Variants in MINK1 observed in about 807,000 individuals in gnomAD.
MINK1 encodes the protein misshapen-like kinase 1.
A neutral mutation model predicts 178.4 loss-of-function variants in MINK1; 46 were observed. The observed-to-expected ratio is 0.26, with a 90% confidence interval of 0.20 to 0.33. The LOEUF (loss-of-function observed/expected upper bound fraction) is 0.33. MINK1 is among the 10% of genes least tolerant of loss of function. The probability of loss-of-function intolerance (pLI) is 1.00; values close to 1 mark genes in which losing one functional copy is unlikely to be tolerated. For synonymous variants in MINK1, 797 were observed against 709.7 expected (o/e 1.12, Z -1.96); for missense variants, 1,366 against 1,814.9 (o/e 0.75, Z 4.49).
In MINK1 at chr17:4,892,643, G is replaced by T. The variant is rs1567618281; in HGVS notation, c.2199-13G>T. 1 of 1,589,426 alleles carries T rather than the reference G, an allele frequency of 6.3e-7. No individual in the cohort carries two copies. Among genetic ancestry groups the T allele is most frequent in the Non-Finnish European group, 8.6e-7 (1 of 1,165,646 alleles). ...ACCGTGCCTCCCTGACCCTGACTCTGCCCCCCCAACAGTAACCCCGACCTC... is the reference window on the plus strand; with the variant it reads ...ACCGTGCCTCCCTGACCCTGACTCTTCCCCCCCAACAGTAACCCCGACCTC... On this transcript the variant is annotated splice_polypyrimidine_tract_variant and intron_variant, in intron 18 of 31. Transcript: ENST00000355280.
In MINK1 at chr17:4,851,999, CAAAAAAA is replaced by C. The variant is rs535581252; in HGVS notation, c.57+18381_57+18387del. Among the ~76,000 whole-genome samples, 110 of 69,448 alleles carry C rather than the reference CAAAAAAA, an allele frequency of 1.6e-3. 1 individual carries two copies. The highest frequency in any genetic ancestry group is 3.7e-3 in the Admixed American group (20 of 5,374). 45.6% of individuals were successfully genotyped at this position (69,448 alleles called of 152,430 possible). ...TGGGCAACAGAGTGAGACTCTGTCT[CAAAAAAA>C]AAAAAAAAAAAAAAAAAAAAACTAA... On this transcript the variant is annotated intron_variant, in intron 1 of 31. Transcript: ENST00000355280.
At position 4,893,486 on chromosome 17, in the gene MINK1, A is replaced by G. The variant is rs377573508; in HGVS notation, c.2453A>G (p.Lys818Arg). 3.1e-5 allele frequency: 50 copies of G among 1,598,104 alleles called. No homozygotes were observed. Among genetic ancestry groups the G allele is most frequent in the Middle Eastern group, 1.7e-4 (1 of 6,044 alleles). ...CTGGACGAGGCCCCTCGGCCTCCCA[A>G]GAAGGCCATGGACTACTCGTCGTCC... ...RTLDEAPRPPKKAMDYSSSSE... is the reference protein window; with the variant it reads ...RTLDEAPRPPRKAMDYSSSSE... The change falls in exon 21 of 32, where the codon AAG becomes AGG. Residue 818 changes from lysine to arginine, a missense_variant. Lys to Arg is a conservative substitution (Grantham distance 26, BLOSUM62 2). Transcript: ENST00000355280.
In MINK1 at chr17:4,897,338, A is replaced by G. The variant is rs1969653622; in HGVS notation, c.*51A>G. 6 of 1,561,910 alleles carry G rather than the reference A, an allele frequency of 3.8e-6. No individual in the cohort carries two copies. The highest frequency in any genetic ancestry group is 1.4e-5 in the African/African-American group (1 of 73,710). On this transcript the variant is annotated 3_prime_UTR_variant, in exon 32 of 32. Transcript: ENST00000355280. The stretch of plus-strand genomic sequence containing the variant: ...ACACTGGACCCAGCTCTCCCCCTGC[A>G]GCCAGGCTTCCCGGGCCGCCCCTCT...
chr17:4,837,511 C>T (rs901719853), intron 1 of MINK1, among the ~76,000 whole-genome samples: 1 of 152,176 alleles, frequency 6.6e-6, no homozygotes, highest in African/African-American at 2.4e-5. Context: ...TCCAGCTGAG[C>T]GATGCCCTTG....
At chr17:4,888,484 A>G (rs1968433372) in intron 12 of MINK1, among the ~76,000 whole-genome samples, 1 of 151,412 alleles carries the variant, frequency 6.6e-6, no homozygotes, top group Non-Finnish European at 1.5e-5. Flanking sequence ...AAAAATACAC[A>G]AATTAGCCAG....
chr17:4,891,501 G>A lies in MINK1; in HGVS notation c.1786G>A (p.Val596Ile), dbSNP rs1185059433. ...RVPLKPYAAP[V>I]PRSQSLQDQP... ...CCCACTGAAGCCATATGCAGCACCTGTACCCCGATCCCAGTCCCTGCAGGA... is the reference window on the plus strand; with the variant it reads ...CCCACTGAAGCCATATGCAGCACCTATACCCCGATCCCAGTCCCTGCAGGA... The change falls in exon 16 of 32, where the codon GTA becomes ATA. Residue 596 changes from valine (V) to isoleucine (I), a missense_variant. By Grantham distance (29) the Val-to-Ile change is conservative. Transcript: ENST00000355280. The A allele has an allele frequency of 1.2e-6, 2 of 1,610,460 alleles. No individual in the cohort carries two copies. The highest frequency in any genetic ancestry group is 1.3e-5 in the African/African-American group (1 of 74,862).
chr17:4,897,187 T>G lies in MINK1; in HGVS notation c.3916-17T>G, dbSNP rs746780945. The G allele has an allele frequency of 1.1e-5, 17 of 1,611,266 alleles. No homozygotes were observed. Among genetic ancestry groups the G allele is most frequent in the Non-Finnish European group, 1.4e-5 (17 of 1,178,452 alleles). On this transcript the variant is annotated splice_polypyrimidine_tract_variant and intron_variant, in intron 31 of 31. Transcript: ENST00000355280. Reference sequence around the variant, plus strand: ...CCAACCTCAGCCCTTGGTGACTTCTTCTCCTGCCCCACCCAGGTGTTTTTT... The same window carrying G: ...CCAACCTCAGCCCTTGGTGACTTCTGCTCCTGCCCCACCCAGGTGTTTTTT...
rs1442581575 is a variant in MINK1 at position 4,886,556 on chromosome 17, C to T, written c.879C>T (p.Pro293=). 6.2e-7 allele frequency: 1 copy of T among 1,613,546 alleles called. No homozygotes were observed. The highest frequency in any genetic ancestry group is 8.5e-7 in the Non-Finnish European group (1 of 1,179,718). ...AGTTTCCCTTCATCCGGGACCAGCCCACGGAGCGGCAGGTCCGCATCCAGC... is the reference window on the plus strand; with the variant it reads ...AGTTTCCCTTCATCCGGGACCAGCCTACGGAGCGGCAGGTCCGCATCCAGC... ...LLKFPFIRDQ[P]TERQVRIQLK... Residue 293 remains proline, a synonymous_variant, in exon 10 of 32, where the codon CCC becomes CCT. Coordinates refer to ENST00000355280, the MANE Select transcript of MINK1 (RefSeq NM_153827.5). The surrounding 1 kb of genome is among the most constrained non-coding windows in gnomAD (Gnocchi z 6.1).
intron 1 of MINK1, among the ~76,000 whole-genome samples, chr17:4,862,741 G>T (rs1914370919): frequency 6.6e-6 from 1 of 151,972 alleles, no homozygotes; most frequent in Non-Finnish European, 1.5e-5. Flanking sequence ...TTAAAGTCAA[G>T]ACCCTTCTTG....
chr17:4,834,811 T>C (rs1297969411), intron 1 of MINK1: 2 of 519,948 alleles, frequency 3.8e-6, no homozygotes, highest in African/African-American at 1.9e-5. Flanking sequence ...GCTCAGACTG[T>C]CTTCTGGCTT....
chr17:4,896,374 A>T lies in MINK1; in HGVS notation c.3615+32A>T. The stretch of plus-strand genomic sequence containing the variant: ...TTGGCGGGGCTGCTGGGGGAGTGGG[A>T]TGGCCCAGTCTGGGCACCAGACACG... On this transcript the variant is annotated intron_variant, in intron 29 of 31. Transcript: ENST00000355280. This position sits in a 1 kb window ranked among gnomAD's most constrained non-coding sequence, Gnocchi z 4.6. The T allele has an allele frequency of 1.9e-6, 3 of 1,605,428 alleles. No individual in the cohort carries two copies. Among genetic ancestry groups the T allele is most frequent in the Non-Finnish European group, 2.6e-6 (3 of 1,174,924 alleles).
intron 2 of MINK1, among the ~76,000 whole-genome samples, chr17:4,879,471 C>T (rs1293075033): frequency 6.6e-6 from 1 of 152,238 alleles, no homozygotes; most frequent in South Asian, 2.1e-4. Context: ...ACAGGCACCC[C>T]ACCCGCAATC....
intron 1 of MINK1, among the ~76,000 whole-genome samples, chr17:4,858,909 GTCT>G (rs1300243556): frequency 6.6e-6 from 1 of 152,144 alleles, no homozygotes; most frequent in Non-Finnish European, 1.5e-5. Context: ...GACTAGAGAG[GTCT>G]TCTCCCCTAG....
At chr17:4,850,606 C>T (rs1227644843) in intron 1 of MINK1, among the ~76,000 whole-genome samples, 1 of 151,878 alleles carries the variant, frequency 6.6e-6, no homozygotes, top group Non-Finnish European at 1.5e-5. Context: ...TTCCTGTCCC[C>T]TTGTCCTTCA....
At chr17:4,897,157 C>A (rs753136943) in intron 31 of MINK1, 47 bp from the exon 32 acceptor site, 96 of 1,491,850 alleles carry the variant, frequency 6.4e-5, no homozygotes, top group Non-Finnish European at 8.5e-5. Context: ...AGTTGAGACA[C>A]CCCCCCAACC....
chr17:4,895,669 G>T lies in MINK1; in HGVS notation c.3230-29G>T, dbSNP rs1404712152. On this transcript the variant is annotated intron_variant, in intron 26 of 31. Coordinates refer to ENST00000355280, the MANE Select transcript of MINK1 (RefSeq NM_153827.5). This position sits in a 1 kb window ranked among gnomAD's most constrained non-coding sequence, Gnocchi z 4.3. The stretch of plus-strand genomic sequence containing the variant: ...ATTCGGGCCTCAGATGAGAATGGGG[G>T]CGGGTGTGTATGTCTGTCCGTCCCT... 7 of 1,610,080 alleles carry T rather than the reference G, an allele frequency of 4.3e-6. No individual in the cohort carries two copies. The highest frequency in any genetic ancestry group is 1.7e-5 in the Admixed American group (1 of 59,472).
chr17:4,894,738 C>CCTCT lies in MINK1; in HGVS notation c.2917+107_2917+110dup. 1.1e-6 allele frequency: 1 copy of CCTCT among 905,186 alleles called. No individual in the cohort carries two copies. Among genetic ancestry groups the CCTCT allele is most frequent in the Middle Eastern group, 2.5e-4 (1 of 3,950 alleles). The allele number at this position is 905,186 out of a possible 1,614,324, so 56.1% of individuals were successfully genotyped here. ...AGCCTCACAAAGCATAGCCACAGGA[C>CCTCT]CTCTCCCTTGGGCCCTAGCACCTGC... is the stretch of plus-strand genomic sequence containing the variant. On this transcript the variant is annotated intron_variant, in intron 24 of 31. Transcript: ENST00000355280. The surrounding 1 kb of genome is among the most constrained non-coding windows in gnomAD (Gnocchi z 4.1).
rs368980803 is a variant in MINK1, at chr17:4,897,236, C to T, written c.3948C>T (p.Ser1316=). The change falls in exon 32 of 32, where the codon AGC becomes AGT. Residue 1316 remains serine (S), a synonymous_variant. Coordinates refer to ENST00000355280, the MANE Select transcript of MINK1 (RefSeq NM_153827.5). ...VFFASVRSGG[S]SQVYFMTLNR... is the part of the protein sequence containing the mutation. ...TTGCCTCAGTCCGCTCTGGGGGCAG[C>T]AGCCAAGTTTACTTCATGACTCTGA... 1.8e-4 allele frequency: 288 copies of T among 1,613,732 alleles called. No homozygotes were observed. The highest frequency in any genetic ancestry group is 2.3e-4 in the Non-Finnish European group (269 of 1,179,798).
Position 4,897,659 on chromosome 17 carries a change from A to C in MINK1, c.*372A>C. On this transcript the variant is annotated 3_prime_UTR_variant, in exon 32 of 32. Coordinates refer to ENST00000355280, the MANE Select transcript of MINK1 (RefSeq NM_153827.5). ...CAGGGCCCTGGACCCCTTTATTTGC[A>C]CGTCAGGGGAGCCGGCTCCCCCCTT... The C allele has an allele frequency of 1.2e-5, 2 of 166,136 alleles. No individual in the cohort carries two copies. Among genetic ancestry groups the C allele is most frequent in the Non-Finnish European group, 2.6e-5 (2 of 77,584 alleles). 10.3% of individuals were successfully genotyped at this position (166,136 alleles called of 1,614,324 possible).
Sources: allele counts gnomAD v4.1 joint callset (sites outside exome capture counted in the v4.1 genomes callset), GRCh38; gene constraint gnomAD v4.1.1; non-coding constraint Gnocchi (gnomAD v3.1); transcripts MANE v1.5; gene names NCBI Gene and HGNC (gene_info 2026-07-23, HGNC 2026-07-21).